TLR6: variants seen among roughly 807,000 people sequenced by gnomAD.
The protein encoded by TLR6 is toll like receptor 6, also known as toll-like receptor 6.
A neutral mutation model predicts 16.1 loss-of-function variants in TLR6; 9 were observed. The observed-to-expected ratio is 0.56, with a 90% CI of 0.34 to 0.98. The LOEUF (loss-of-function observed/expected upper bound fraction) is 0.98. TLR6 is among the 50% of genes least tolerant of loss of function. TLR6 has a pLI of 0.02. For synonymous variants in TLR6, 340 were observed against 338.6 expected (o/e 1.00, Z -0.04); for missense variants, 786 against 921.0 (o/e 0.85, Z 1.90).
At chr4:38,829,288 G>C (rs200909790) in exon 2 of TLR6, 6 of 1,614,076 alleles carry the variant, frequency 3.7e-6, no homozygotes, top group Non-Finnish European at 5.1e-6. Context: ...CAGCGATGTA[G>C]TTCTGAGACA....
chr4:38,829,176 G>A lies in TLR6; in HGVS notation c.298C>T (p.Gln100Ter), dbSNP rs1727705956. 6.2e-7 allele frequency: 1 copy of A among 1,614,150 alleles called. No homozygotes were observed. The highest frequency in any genetic ancestry group is 2.2e-5 in the East Asian group (1 of 44,874). Residue 100 changes from glutamine (Q) to a stop codon, truncating the protein, a stop_gained, in exon 2 of 2, where the codon CAG becomes TAG. Coordinates refer to ENST00000436693, the Ensembl canonical transcript of TLR6. LOFTEE classifies it low-confidence loss of function (END_TRUNC). ...GATAAATCCAAATATTCTAAATCCT[G>A]GTTGAACTTGAAAACACTTAAATCA...
At position 38,839,405 on chromosome 4, in the gene TLR6, C is replaced by T. The variant is rs183156034; in HGVS notation, c.-64-9868G>A. Among the ~76,000 whole-genome samples, 45 of 152,094 alleles carry T rather than the reference C, an allele frequency of 3.0e-4. No homozygotes were observed. The East Asian group carries it at 7.9e-3, about 27-fold the overall frequency. Reference sequence around the variant, plus strand: ...TATTGAAAGTTAACTACGTGCTGTACTCAAAAAATAGTTATTCTCTTTTAA... The same window carrying T: ...TATTGAAAGTTAACTACGTGCTGTATTCAAAAAATAGTTATTCTCTTTTAA... On this transcript the variant is annotated intron_variant, in intron 1 of 1. Transcript: ENST00000436693.
At chr4:38,858,820 AGAGAGAGAGAGG>A (rs1713111721), upstream of TLR6, among the ~76,000 whole-genome samples, 1 of 117,336 alleles carries the variant, frequency 8.5e-6, no homozygotes, top group African/African-American at 3.5e-5. Flanking sequence ...AGAGGGAGAG[AGAGAGAGAGAGG>A]AAGAAAGAAA....
chr4:38,866,210 AGC>A, the TLR6 span, among the ~76,000 whole-genome samples: 24,052 of 150,422 alleles, frequency 0.16, 3,726 homozygotes, highest in African/African-American at 0.38. Context: ...TAAGAAATAT[AGC>A]CAGGCACGGT....
upstream of TLR6, among the ~76,000 whole-genome samples, chr4:38,858,389 G>C (rs1713073499): frequency 6.6e-6 from 1 of 152,128 alleles, no homozygotes; most frequent in African/African-American, 2.4e-5. Flanking sequence ...TGTATGCTGA[G>C]GGGTAAAGAT....
At chr4:38,859,778 C>T (rs1713156855), upstream of TLR6, among the ~76,000 whole-genome samples, 1 of 151,642 alleles carries the variant, frequency 6.6e-6, no homozygotes, top group African/African-American at 2.4e-5. Context: ...GTCGCTCAGG[C>T]TGGTCTGGAA....
chr4:38,848,560 T>A (rs1206095604), intron 1 of TLR6, among the ~76,000 whole-genome samples: 2 of 152,194 alleles, frequency 1.3e-5, no homozygotes, highest in Non-Finnish European at 2.9e-5. Context: ...CTAGCTAGAA[T>A]AAGCAGTGTA....
At chr4:38,858,254 T>A (rs1442998430), upstream of TLR6, among the ~76,000 whole-genome samples, 4 of 152,208 alleles carry the variant, frequency 2.6e-5, no homozygotes, top group African/African-American at 9.7e-5. Flanking sequence ...TTAACCTCCA[T>A]TTATTCATCC....
At chr4:38,836,297 A>T (rs536872308) in intron 1 of TLR6, among the ~76,000 whole-genome samples, 2 of 152,256 alleles carry the variant, frequency 1.3e-5, no homozygotes, top group Admixed American at 1.3e-4. Context: ...AAAAGGAGAC[A>T]TTACAACTGA....
At chr4:38,867,019 T>C in the TLR6 span, among the ~76,000 whole-genome samples, 138 of 152,360 alleles carry the variant, frequency 9.1e-4, 1 homozygote, top group Admixed American at 4.7e-3. Context: ...TAGTTAATAC[T>C]ATAAACACTG....
At chr4:38,828,077 G>A in exon 2 of TLR6, 1 of 1,614,202 alleles carries the variant, frequency 6.2e-7, no homozygotes, top group Non-Finnish European at 8.5e-7. Context: ...GACTTGTTTA[G>A]GAACGCTCTT....
chr4:38,839,469 A>AT (rs1350677926), intron 1 of TLR6, among the ~76,000 whole-genome samples: 1 of 152,210 alleles, frequency 6.6e-6, no homozygotes, highest in East Asian at 1.9e-4. Flanking sequence ...ACCAAATATT[A>AT]GACCAGCCGG....
intron 1 of TLR6, among the ~76,000 whole-genome samples, chr4:38,848,563 G>A (rs1712634854): frequency 6.6e-6 from 1 of 152,206 alleles, no homozygotes; most frequent in Non-Finnish European, 1.5e-5. Context: ...GCTAGAATAA[G>A]CAGTGTAGAG....
At chr4:38,867,610 G>C in the TLR6 span, 2 of 152,038 alleles carry the variant, frequency 1.3e-5, no homozygotes, top group African/African-American at 4.8e-5. Context: ...CGCTGGCACA[G>C]GGGTGGGACA....
intron 1 of TLR6, among the ~76,000 whole-genome samples, chr4:38,849,897 T>G (rs987129064): frequency 2.0e-5 from 3 of 152,172 alleles, no homozygotes; most frequent in Admixed American, 2.0e-4. Flanking sequence ...CTAATAGACA[T>G]CTACAGAACT....
intron 1 of TLR6, among the ~76,000 whole-genome samples, chr4:38,842,901 G>A (rs1712350668): frequency 6.6e-6 from 1 of 151,318 alleles, no homozygotes; most frequent in Admixed American, 6.6e-5. Flanking sequence ...TCTCATTGTT[G>A]ACACAATTCC....
chr4:38,862,590 A>ATTT, the TLR6 span, among the ~76,000 whole-genome samples: 2,025 of 73,690 alleles, frequency 0.027, 199 homozygotes, highest in African/African-American at 0.09. Context: ...CCCAATCACC[A>ATTT]TTTTTTTTTT....
intron 1 of TLR6, among the ~76,000 whole-genome samples, chr4:38,853,453 G>A (rs1299543119): frequency 6.6e-6 from 1 of 151,772 alleles, no homozygotes; most frequent in Non-Finnish European, 1.5e-5. Flanking sequence ...AAAAATGACA[G>A]GAAGAAATAC....
intron 1 of TLR6, among the ~76,000 whole-genome samples, chr4:38,845,370 G>A (rs1257921057): frequency 2.6e-5 from 4 of 152,192 alleles, no homozygotes; most frequent in African/African-American, 9.6e-5. Context: ...ATGTTACATG[G>A]CAAAGGAAAA....
Sources: allele counts gnomAD v4.1 joint callset (sites outside exome capture counted in the v4.1 genomes callset), GRCh38; gene constraint gnomAD v4.1.1; transcripts MANE v1.5; gene names NCBI Gene and HGNC (gene_info 2026-07-23, HGNC 2026-07-21).